SRRM4: variants seen among roughly 807,000 people sequenced by gnomAD.
SRRM4 encodes the protein serine/arginine repetitive matrix 4, also known as serine/arginine repetitive matrix protein 4.
In SRRM4, 33 loss-of-function variants were observed where a neutral mutation model predicts 68.9. That is an observed-to-expected ratio of 0.48 (90% CI 0.36 to 0.64). The LOEUF (loss-of-function observed/expected upper bound fraction) is 0.64, where lower values mean the gene tolerates loss of function less well. SRRM4 is among the 30% of genes least tolerant of loss of function. The pLI, the probability that SRRM4 is intolerant of heterozygous loss-of-function variation, is 0.00. For synonymous variants in SRRM4, 318 were observed against 318.8 expected (o/e 1.00, Z 0.03); for missense variants, 817 against 827.1 (o/e 0.99, Z 0.15).
intron 1 of SRRM4, among the ~76,000 whole-genome samples, chr12:119,037,512 C>A (rs1953637578): frequency 6.6e-6 from 1 of 152,098 alleles, no homozygotes; most frequent in Non-Finnish European, 1.5e-5. Context: ...AATTATCCAC[C>A]AAGGAAAATA....
At chr12:119,113,161 C>G (rs1954155310) in intron 2 of SRRM4, among the ~76,000 whole-genome samples, 1 of 152,108 alleles carries the variant, frequency 6.6e-6, no homozygotes, top group African/African-American at 2.4e-5. Flanking sequence ...AAGATAGAGA[C>G]CCTGGCATAT....
intron 1 of SRRM4, among the ~76,000 whole-genome samples, chr12:119,040,138 C>A (rs914396067): frequency 1.6e-4 from 25 of 152,042 alleles, no homozygotes; most frequent in Non-Finnish European, 3.7e-4. Context: ...GGCACCTGTC[C>A]CTACATTAAT....
intron 1 of SRRM4, among the ~76,000 whole-genome samples, chr12:119,029,723 A>G (rs140168614): frequency 6.6e-6 from 1 of 152,354 alleles, no homozygotes; most frequent in Non-Finnish European, 1.5e-5. Flanking sequence ...TTCTTCCTGC[A>G]GTGATAAAAC....
intron 1 of SRRM4, among the ~76,000 whole-genome samples, chr12:119,063,155 T>C (rs967024551): frequency 6.6e-6 from 1 of 152,210 alleles, no homozygotes; most frequent in Non-Finnish European, 1.5e-5. Flanking sequence ...TGCTAGGCAA[T>C]AGATGTTCAA....
chr12:119,123,645 A>G (rs1954237946), intron 6 of SRRM4, among the ~76,000 whole-genome samples: 2 of 152,302 alleles, frequency 1.3e-5, no homozygotes, highest in South Asian at 4.2e-4. Context: ...GGCAAGAGAG[A>G]AAAAAGACAA....
Position 119,081,649 on chromosome 12 carries a change from G to A in SRRM4, c.132-20587G>A, listed in dbSNP as rs114775824. ...TAATTTGAGTAGGATCCCGCCAGCC[G>A]CCTTCTGGGGAACAGGATGCAGGAA... On this transcript the variant is annotated intron_variant, in intron 1 of 12. Coordinates refer to ENST00000267260, the MANE Select transcript of SRRM4 (RefSeq NM_194286.4). Among the ~76,000 whole-genome samples, 685 of 152,334 alleles carry A rather than the reference G, an allele frequency of 4.5e-3. 1 individual carries two copies. The highest frequency in any genetic ancestry group is 0.014 in the African/African-American group (591 of 41,580).
intron 1 of SRRM4, among the ~76,000 whole-genome samples, chr12:119,042,848 G>T (rs1953678150): frequency 6.6e-6 from 1 of 152,078 alleles, no homozygotes; most frequent in Non-Finnish European, 1.5e-5. Flanking sequence ...GAAAGCAAGG[G>T]CCAGGAGAGA....
At chr12:119,067,727 A>AAT (rs1351253968) in intron 1 of SRRM4, among the ~76,000 whole-genome samples, 3 of 151,864 alleles carry the variant, frequency 2.0e-5, no homozygotes, top group Non-Finnish European at 2.9e-5. Context: ...TAAATAAATA[A>AAT]AAATAAAAAT....
At chr12:119,045,097 T>A (rs1953696985) in intron 1 of SRRM4, among the ~76,000 whole-genome samples, 1 of 152,190 alleles carries the variant, frequency 6.6e-6, no homozygotes, top group Non-Finnish European at 1.5e-5. Context: ...CTCTCATTGT[T>A]AGTGTCATCG....
At chr12:119,053,264 C>T (rs1409434736) in intron 1 of SRRM4, among the ~76,000 whole-genome samples, 2 of 152,160 alleles carry the variant, frequency 1.3e-5, no homozygotes, top group South Asian at 2.1e-4. Flanking sequence ...AAACAGGACA[C>T]TTATTTTCCA....
At chr12:119,024,875 G>A (rs150599862) in intron 1 of SRRM4, among the ~76,000 whole-genome samples, 52 of 152,232 alleles carry the variant, frequency 3.4e-4, no homozygotes, top group African/African-American at 1.0e-3. Context: ...CATGTATGGC[G>A]ACAGTAGGAG....
intron 8 of SRRM4, among the ~76,000 whole-genome samples, chr12:119,131,809 C>T (rs368806849): frequency 1.3e-5 from 2 of 152,180 alleles, no homozygotes; most frequent in African/African-American, 2.4e-5. Context: ...AGAGAGTCAA[C>T]ATTGATAGGG....
At chr12:119,137,751 A>C (rs1954340072) in intron 8 of SRRM4, among the ~76,000 whole-genome samples, 1 of 152,188 alleles carries the variant, frequency 6.6e-6, no homozygotes, top group Non-Finnish European at 1.5e-5. Context: ...TTTTAAAATT[A>C]AATTTTAAAA....
In SRRM4 at chr12:119,158,582, CAA is replaced by C. The variant is rs1208107413; in HGVS notation, c.*1786_*1787del. ...CTGGCCCAGACCTAAGCCCTGCCCA[CAA>C]AGACTAATGGATGCCAGTGCTGTCA... On this transcript the variant is annotated 3_prime_UTR_variant, in exon 13 of 13. Transcript: ENST00000267260. 2 of 152,366 alleles carry C rather than the reference CAA, an allele frequency of 1.3e-5. No individual in the cohort carries two copies. Among genetic ancestry groups the C allele is most frequent in the African/African-American group, 4.8e-5 (2 of 41,478 alleles). 9.4% of individuals were successfully genotyped at this position (152,366 alleles called of 1,614,324 possible). A position where few individuals can be genotyped will look rare whatever the true frequency, so the allele number is the denominator to read the frequency against.
chr12:119,124,962 G>A (rs78381318), intron 6 of SRRM4, among the ~76,000 whole-genome samples: 7,544 of 152,196 alleles, frequency 0.05, 242 homozygotes, highest in Middle Eastern at 0.099. Flanking sequence ...GTTTTAACTC[G>A]GGCCTCCGGT....
chr12:119,067,449 G>C (rs1953852864), intron 1 of SRRM4, among the ~76,000 whole-genome samples: 1 of 152,190 alleles, frequency 6.6e-6, no homozygotes. Flanking sequence ...TTTCATGCCT[G>C]TAATCCTAGC....
At chr12:119,114,249 T>G in intron 2 of SRRM4, 29 bp from the exon 3 acceptor site, 1 of 1,596,112 alleles carries the variant, frequency 6.3e-7, no homozygotes, top group Non-Finnish European at 8.6e-7. Flanking sequence ...CCATGAGTTA[T>G]CTAATGCTCC....
At chr12:119,076,365 A>G (rs1953916695) in intron 1 of SRRM4, among the ~76,000 whole-genome samples, 1 of 152,152 alleles carries the variant, frequency 6.6e-6, no homozygotes, top group South Asian at 2.1e-4. Context: ...ATTTGCCTAA[A>G]CTTGTAAGCT....
chr12:119,084,986 C>T lies in SRRM4; in HGVS notation c.132-17250C>T, dbSNP rs893717993. On this transcript the variant is annotated intron_variant, in intron 1 of 12. Coordinates refer to ENST00000267260, the MANE Select transcript of SRRM4 (RefSeq NM_194286.4). ...TGCGATCTTGGCTCACTGCAACCTT[C>T]GCCTCCTGGGTTCAAGCGATTCTCC... is the stretch of plus-strand genomic sequence containing the variant. Among the ~76,000 whole-genome samples the T allele has an allele frequency of 2.6e-5, 4 of 152,178 alleles. No individual in the cohort carries two copies. The South Asian group carries it at 8.3e-4, about 32-fold the overall frequency.
Sources: allele counts gnomAD v4.1 joint callset (sites outside exome capture counted in the v4.1 genomes callset), GRCh38; gene constraint gnomAD v4.1.1; transcripts MANE v1.5; gene names NCBI Gene and HGNC (gene_info 2026-07-23, HGNC 2026-07-21).